MYO6: variants seen among roughly 807,000 people sequenced by gnomAD.
The protein encoded by MYO6 is myosin VI, also known as unconventional myosin-VI.
Under a neutral mutation model 178.7 loss-of-function variants are expected in MYO6, and 74 were observed. That is an observed-to-expected ratio of 0.41 (90% CI 0.34 to 0.50). MYO6 has a LOEUF of 0.50. MYO6 is among the 20% of genes least tolerant of loss of function. MYO6 has a pLI of 0.09. For missense variants in MYO6, 1,330 were observed against 1,547.4 expected, an observed-to-expected ratio of 0.86 and a Z score of 2.36; for synonymous variants, 477 against 504.6, an observed-to-expected ratio of 0.95 and a Z score of 0.73.
intron 1 of MYO6, among the ~76,000 whole-genome samples, chr6:75,805,830 G>T (rs1370672142): frequency 6.6e-6 from 1 of 152,096 alleles, no homozygotes; most frequent in Admixed American, 6.6e-5. Flanking sequence ...AGTATATGTA[G>T]TTAGAAAGTT....
intron 1 of MYO6, among the ~76,000 whole-genome samples, chr6:75,797,907 A>G (rs1769028779): frequency 1.3e-5 from 2 of 152,206 alleles, no homozygotes; most frequent in African/African-American, 4.8e-5. Context: ...ATTCCAACCA[A>G]CAGTATATAA....
chr6:75,860,863 G>A (rs578007174), intron 14 of MYO6, among the ~76,000 whole-genome samples, 160 bp from the exon 15 acceptor site: 1 of 152,186 alleles, frequency 6.6e-6, no homozygotes, highest in Non-Finnish European at 1.5e-5. Context: ...CTGTCTGCAA[G>A]TGTTCAAAAA....
At chr6:75,834,796 G>C (rs1191436213) in intron 6 of MYO6, among the ~76,000 whole-genome samples, 1 of 152,126 alleles carries the variant, frequency 6.6e-6, no homozygotes, top group African/African-American at 2.4e-5. Context: ...TGAAGAGTTT[G>C]TTAACAGCTG....
intron 1 of MYO6, among the ~76,000 whole-genome samples, chr6:75,799,160 G>A (rs1769165245): frequency 6.6e-6 from 1 of 152,092 alleles, no homozygotes; most frequent in Non-Finnish European, 1.5e-5. Flanking sequence ...AGGCCAAGGC[G>A]GGTGGATCAC....
At chr6:75,773,688 T>G (rs1356424716) in intron 1 of MYO6, among the ~76,000 whole-genome samples, 1 of 152,162 alleles carries the variant, frequency 6.6e-6, no homozygotes, top group Non-Finnish European at 1.5e-5. Flanking sequence ...ATGGTTATGC[T>G]TCAGTGGAGA....
intron 23 of MYO6, among the ~76,000 whole-genome samples, chr6:75,884,127 G>C (rs1778246155): frequency 6.6e-6 from 1 of 152,164 alleles, no homozygotes; most frequent in Admixed American, 6.5e-5. Flanking sequence ...TTTGTGGACT[G>C]TGTTCTACAG....
chr6:75,856,151 A>G (rs566138018), intron 12 of MYO6, among the ~76,000 whole-genome samples: 53 of 152,294 alleles, frequency 3.5e-4, no homozygotes, highest in Middle Eastern at 6.8e-3. Flanking sequence ...CCTACAGCCT[A>G]CAGTTACTTG....
rs752948085 is a variant in MYO6, at chr6:75,848,482, C to T, written c.1029C>T (p.Gly343=). The change falls in exon 11 of 35, where the codon GGC becomes GGT. Residue 343 remains glycine, a synonymous_variant. Transcript: ENST00000369977. The part of the protein sequence containing the change: ...EKLDLFRVVA[G]VLHLGNIDFE... The stretch of plus-strand genomic sequence containing the variant: ...TTGATCTCTTCCGGGTAGTAGCTGG[C>T]GTCCTGCACCTTGGAAATATTGATT... The T allele has an allele frequency of 1.6e-4, 251 of 1,613,536 alleles. No individual in the cohort carries two copies. Among genetic ancestry groups the T allele is most frequent in the Middle Eastern group, 6.6e-4 (4 of 6,084 alleles).
intron 1 of MYO6, among the ~76,000 whole-genome samples, chr6:75,753,439 A>G (rs1273738036): frequency 1.6e-4 from 22 of 137,434 alleles, no homozygotes; most frequent in African/African-American, 5.8e-4. Flanking sequence ...TATGATCTAT[A>G]TATGTGTGTG....
intron 3 of MYO6, among the ~76,000 whole-genome samples, chr6:75,826,673 A>G (rs562033472): frequency 6.6e-6 from 1 of 152,282 alleles, no homozygotes; most frequent in African/African-American, 2.4e-5. Flanking sequence ...AACCAGATAT[A>G]TTAATACCTC....
intron 1 of MYO6, among the ~76,000 whole-genome samples, chr6:75,768,631 C>T (rs1778654448): frequency 6.6e-6 from 1 of 152,036 alleles, no homozygotes; most frequent in Non-Finnish European, 1.5e-5. Flanking sequence ...ATCCACCAGC[C>T]TCTGACTCCC....
chr6:75,800,543 C>T (rs1405222184), intron 1 of MYO6, among the ~76,000 whole-genome samples: 2 of 152,008 alleles, frequency 1.3e-5, no homozygotes, highest in Non-Finnish European at 1.5e-5. Context: ...AAGAAATTGT[C>T]ATTTAATAAG....
chr6:75,872,575 G>C (rs1489652030), intron 19 of MYO6, among the ~76,000 whole-genome samples: 1 of 151,798 alleles, frequency 6.6e-6, no homozygotes, highest in Non-Finnish European at 1.5e-5. Flanking sequence ...TTTAAATATA[G>C]AAAAAAATCA....
intron 30 of MYO6, among the ~76,000 whole-genome samples, chr6:75,901,081 G>C (rs1354297396): frequency 1.6e-4 from 25 of 152,096 alleles, no homozygotes; most frequent in Non-Finnish European, 3.5e-4. Context: ...CTGTTCTGTT[G>C]CATTGATCTA....
chr6:75,754,607 C>G (rs1398172453), intron 1 of MYO6, among the ~76,000 whole-genome samples: 2 of 137,800 alleles, frequency 1.5e-5, no homozygotes, highest in African/African-American at 2.6e-5. Flanking sequence ...TTTTTGATTT[C>G]TGATCTATGT....
intron 30 of MYO6, among the ~76,000 whole-genome samples, chr6:75,902,459 T>G (rs1779880381): frequency 6.6e-6 from 1 of 152,062 alleles, no homozygotes; most frequent in African/African-American, 2.4e-5. Flanking sequence ...GTTGGGAGAG[T>G]GTATGTGTTG....
chr6:75,805,023 T>A (rs12528633), intron 1 of MYO6, among the ~76,000 whole-genome samples: 4,271 of 33,328 alleles, frequency 0.13, 70 homozygotes, highest in Middle Eastern at 0.17. Flanking sequence ...ATATATATAT[T>A]TTTTTTTTTT....
At position 75,883,940 on chromosome 6, in the gene MYO6, T is replaced by C. The variant is rs530086641; in HGVS notation, c.2417-2064T>C. On this transcript the variant is annotated intron_variant, in intron 23 of 34. Coordinates refer to ENST00000369977, the MANE Select transcript of MYO6 (RefSeq NM_004999.4). ...AGGTATTTTGTTAGACAATTGTGAATATAGATAAAAAGAGAACTATTAATA... is the reference window on the plus strand; with the variant it reads ...AGGTATTTTGTTAGACAATTGTGAACATAGATAAAAAGAGAACTATTAATA... 3.0e-3 allele frequency among the ~76,000 whole-genome samples: 459 copies of C among 152,274 alleles called. 5 individuals are homozygous for C. Among genetic ancestry groups the C allele is most frequent in the African/African-American group, 0.011 (442 of 41,550 alleles).
In MYO6 at chr6:75,918,162, C is replaced by G. The variant is rs1198651644; in HGVS notation, c.*3150C>G. 1 of 152,170 alleles carries G rather than the reference C, an allele frequency of 6.6e-6. No individual in the cohort carries two copies. Among genetic ancestry groups the G allele is most frequent in the Admixed American group, 6.5e-5 (1 of 15,284 alleles). The allele number at this position is 152,170 out of a possible 1,614,324, so 9.4% of individuals were successfully genotyped here. On this transcript the variant is annotated 3_prime_UTR_variant, in exon 35 of 35. Coordinates refer to ENST00000369977, the MANE Select transcript of MYO6 (RefSeq NM_004999.4). Reference sequence around the variant, plus strand: ...TTGCCTCTCTGTCATTCCACAACTTCAGAAGGTGTGACAGGTTTTCCCTAT... The same window carrying G: ...TTGCCTCTCTGTCATTCCACAACTTGAGAAGGTGTGACAGGTTTTCCCTAT...
Sources: allele counts gnomAD v4.1 joint callset (sites outside exome capture counted in the v4.1 genomes callset), GRCh38; gene constraint gnomAD v4.1.1; transcripts MANE v1.5; gene names NCBI Gene and HGNC (gene_info 2026-07-23, HGNC 2026-07-21).